Variants in ELOVL7 observed in about 807,000 individuals in gnomAD.
ELOVL7 encodes the protein ELOVL fatty acid elongase 7.
In ELOVL7, 27 loss-of-function variants were observed where a neutral mutation model predicts 35.7. The ratio of observed to expected loss-of-function variants is 0.76; its 90% CI spans 0.56 to 1.04. The LOEUF is 1.04. Ranked by LOEUF, ELOVL7 falls within the 50% of genes least tolerant of loss-of-function variation. The probability of loss-of-function intolerance (pLI) is 0.00; values close to 1 mark genes in which losing one functional copy is unlikely to be tolerated. For synonymous variants in ELOVL7, 113 were observed against 114.6 expected (o/e 0.99, Z 0.09); for missense variants, 327 against 340.8 (o/e 0.96, Z 0.32).
intron 1 of ELOVL7, among the ~76,000 whole-genome samples, chr5:60,835,674 A>G (rs1397218207): frequency 6.6e-6 from 1 of 151,970 alleles, no homozygotes; most frequent in Non-Finnish European, 1.5e-5. Context: ...AGGCTTCTCA[A>G]AGTGGTGGGA....
intron 2 of ELOVL7, among the ~76,000 whole-genome samples, chr5:60,792,984 C>T (rs1744031744): frequency 6.6e-6 from 1 of 152,110 alleles, no homozygotes; most frequent in East Asian, 1.9e-4. Flanking sequence ...GTGGAGGTGC[C>T]CCATAGTCTC....
At chr5:60,835,230 T>C (rs1746723310) in intron 1 of ELOVL7, among the ~76,000 whole-genome samples, 1 of 149,680 alleles carries the variant, frequency 6.7e-6, no homozygotes, top group Admixed American at 6.7e-5. Context: ...CCCAAGACTG[T>C]ACTTGAGGAA....
At chr5:60,806,393 T>C (rs1427380436) in intron 1 of ELOVL7, among the ~76,000 whole-genome samples, 1 of 152,082 alleles carries the variant, frequency 6.6e-6, no homozygotes, top group Non-Finnish European at 1.5e-5. Context: ...GGGTTACCTA[T>C]AAAAAGAGGC....
chr5:60,802,117 TACACAC>T lies in ELOVL7; in HGVS notation c.-85-2893_-85-2888del, dbSNP rs34511373. Among the ~76,000 whole-genome samples the T allele has an allele frequency of 3.4e-3, 41 of 12,108 alleles. 1 individual carries two copies. The highest frequency in any genetic ancestry group is 7.7e-3 in the African/African-American group (38 of 4,944). The allele number at this position is 12,108 out of a possible 152,430, so 7.9% of individuals were successfully genotyped here. On this transcript the variant is annotated intron_variant, in intron 1 of 8. Coordinates refer to ENST00000508821, the MANE Select transcript of ELOVL7 (RefSeq NM_024930.3). Reference sequence around the variant, plus strand: ...ATATATATATATATATATATATATATACACACACACACACACACATATATCCTATTG... The same window carrying T: ...ATATATATATATATATATATATATATACACACACACACATATATCCTATTG...
chr5:60,764,554 T>C (rs190068799), intron 6 of ELOVL7, among the ~76,000 whole-genome samples: 1 of 151,856 alleles, frequency 6.6e-6, no homozygotes, highest in Admixed American at 6.6e-5. Context: ...GAAACACCAA[T>C]AAAAAGGCAA....
chr5:60,768,509 C>T (rs1258284910), intron 4 of ELOVL7: 2 of 301,316 alleles, frequency 6.6e-6, no homozygotes, highest in African/African-American at 4.3e-5. Context: ...GGAAAATGCT[C>T]GTTAACAATA....
Position 60,823,120 on chromosome 5 carries a change from T to C in ELOVL7, c.-86+21040A>G, listed in dbSNP as rs79425857. Reference sequence around the variant, plus strand: ...TAAGGTGATAACTGTTGGAGTATTTTTACAGTGAGGGGATGAAGTAATAGA... The same window carrying C: ...TAAGGTGATAACTGTTGGAGTATTTCTACAGTGAGGGGATGAAGTAATAGA... On this transcript the variant is annotated intron_variant, in intron 1 of 8. Coordinates refer to ENST00000508821, the MANE Select transcript of ELOVL7 (RefSeq NM_024930.3). 1.9e-3 allele frequency among the ~76,000 whole-genome samples: 282 copies of C among 148,764 alleles called. 1 individual carries two copies. The highest frequency in any genetic ancestry group is 6.6e-3 in the African/African-American group (271 of 41,146).
intron 1 of ELOVL7, among the ~76,000 whole-genome samples, chr5:60,800,197 C>T (rs879851890): frequency 3.3e-5 from 5 of 152,070 alleles, no homozygotes; most frequent in Admixed American, 6.5e-5. Flanking sequence ...AACTTCAGGT[C>T]AATACCCTTG....
intron 3 of ELOVL7, among the ~76,000 whole-genome samples, chr5:60,778,211 T>C (rs887550524): frequency 1.3e-5 from 2 of 152,220 alleles, no homozygotes; most frequent in African/African-American, 4.8e-5. Flanking sequence ...AGGCTTGCTA[T>C]GGGTCTGTAT....
intron 2 of ELOVL7, among the ~76,000 whole-genome samples, chr5:60,795,732 C>A (rs1490865657): frequency 6.6e-6 from 1 of 152,212 alleles, no homozygotes; most frequent in Non-Finnish European, 1.5e-5. Context: ...CACTCCCAAT[C>A]GGGCTAGAGG....
rs905270090 is a variant in ELOVL7 at position 60,834,903 on chromosome 5, C to A, written c.-86+9257G>T. On this transcript the variant is annotated intron_variant, in intron 1 of 8. Coordinates refer to ENST00000508821, the MANE Select transcript of ELOVL7 (RefSeq NM_024930.3). ...TAATTCTCCAATTTTCCAAAGTAGT[C>A]CCAAGGGCTGGGCACAGTGGCTCAC... Among the ~76,000 whole-genome samples the A allele has an allele frequency of 4.0e-5, 6 of 151,696 alleles. No individual in the cohort carries two copies. In the East Asian group the frequency reaches 1.2e-3, roughly 29 times the overall value.
chr5:60,814,459 ATT>A (rs1202059837), intron 1 of ELOVL7, among the ~76,000 whole-genome samples: 1 of 152,130 alleles, frequency 6.6e-6, no homozygotes, highest in Admixed American at 6.5e-5. Flanking sequence ...GAAACCAACT[ATT>A]GTCTCTACTT....
intron 3 of ELOVL7, among the ~76,000 whole-genome samples, chr5:60,772,482 A>G (rs1402011971): frequency 4.6e-5 from 7 of 152,180 alleles, no homozygotes; most frequent in Non-Finnish European, 1.5e-5. Context: ...CACCCTCTGA[A>G]TGTGAGAAAT....
chr5:60,757,758 T>C, intron 7 of ELOVL7, 113 bp from the exon 8 acceptor site: 1 of 860,512 alleles, frequency 1.2e-6, no homozygotes, highest in Non-Finnish European at 1.7e-6. Flanking sequence ...AAAAAATATA[T>C]AAAATATCAA....
intron 1 of ELOVL7, among the ~76,000 whole-genome samples, chr5:60,816,380 CAA>C (rs5868256): frequency 1.2e-3 from 171 of 140,378 alleles, no homozygotes; most frequent in Non-Finnish European, 1.4e-3. Flanking sequence ...GACTCCATCT[CAA>C]AAAAAAAAAA....
At chr5:60,832,006 T>C (rs1416627221) in intron 1 of ELOVL7, among the ~76,000 whole-genome samples, 1 of 152,222 alleles carries the variant, frequency 6.6e-6, no homozygotes, top group Non-Finnish European at 1.5e-5. Flanking sequence ...TCTGCAATAT[T>C]ACTATTTCAT....
rs1741352878 is a variant in ELOVL7, at chr5:60,753,102, C to G, written c.*1522G>C. On this transcript the variant is annotated 3_prime_UTR_variant, in exon 9 of 9. Transcript: ENST00000508821. ...TAAACATAAAAATACTTACTGTACA[C>G]AGAGTACAATAAGTATCTCTGTGTG... 1 of 151,970 alleles carries G rather than the reference C, an allele frequency of 6.6e-6. No individual in the cohort carries two copies. The highest frequency in any genetic ancestry group is 2.1e-4 in the South Asian group (1 of 4,830). The allele number at this position is 151,970 out of a possible 1,614,324, so 9.4% of individuals were successfully genotyped here. A position where few individuals can be genotyped will look rare whatever the true frequency, so the allele number is the denominator to read the frequency against.
chr5:60,785,731 T>C (rs1333887427), intron 3 of ELOVL7: 2 of 152,154 alleles, frequency 1.3e-5, no homozygotes, highest in African/African-American at 4.8e-5. Context: ...TATCATATAT[T>C]GGAAAACTAA....
At chr5:60,838,009 G>T (rs1316511524) in intron 1 of ELOVL7, among the ~76,000 whole-genome samples, 1 of 152,180 alleles carries the variant, frequency 6.6e-6, no homozygotes, top group Non-Finnish European at 1.5e-5. Context: ...TGAGATAAAG[G>T]CCTGATGGGA....
Sources: gnomAD v4.1 joint callset for allele counts (sites outside exome capture counted in the v4.1 genomes callset) on GRCh38, gnomAD v4.1.1 for gene constraint, MANE v1.5 for transcripts, NCBI Gene and HGNC (gene_info 2026-07-23, HGNC 2026-07-21) for gene names.